CCT6B: variants seen among roughly 807,000 people sequenced by gnomAD.
CCT6B encodes the protein chaperonin containing TCP1 subunit 6B.
Under a neutral mutation model 61.5 loss-of-function variants are expected in CCT6B, and 49 were observed. The ratio of observed to expected loss-of-function variants is 0.80; its 90% CI spans 0.63 to 1.01. The LOEUF is 1.01. CCT6B is among the 50% of genes least tolerant of loss of function. The probability of loss-of-function intolerance (pLI) is 0.00; values close to 1 mark genes in which losing one functional copy is unlikely to be tolerated. For missense variants in CCT6B, 666 were observed against 634.7 expected, an observed-to-expected ratio of 1.05 and a Z score of -0.53; for synonymous variants, 228 against 214.5, an observed-to-expected ratio of 1.06 and a Z score of -0.55.
In CCT6B at chr17:34,959,473, A is replaced by C; in HGVS notation, c.201+114T>G. ...GAGGTCTAATTCAACAGTCTTCAGC[A>C]TATCTCAAGACTGCAGTATTTAGCT... On this transcript the variant is annotated intron_variant, in intron 2 of 13. Transcript: ENST00000314144. The C allele has an allele frequency of 4.0e-6, 3 of 759,218 alleles. No homozygotes were observed. The Admixed American group carries it at 6.7e-5, about 17-fold the overall frequency. 47.0% of individuals were successfully genotyped at this position (759,218 alleles called of 1,614,324 possible). A position where few individuals can be genotyped will look rare whatever the true frequency, so the allele number is the denominator to read the frequency against.
chr17:34,950,735 C>T (rs548738241), intron 5 of CCT6B, among the ~76,000 whole-genome samples: 27 of 152,166 alleles, frequency 1.8e-4, no homozygotes, highest in African/African-American at 6.5e-4. Context: ...TCGAGACCAG[C>T]CTGGCCAACA....
intron 5 of CCT6B, 74 bp downstream of exon 5, chr17:34,951,876 A>T (rs1004317035): frequency 2.3e-5 from 15 of 645,000 alleles, no homozygotes; most frequent in African/African-American, 3.7e-5. Context: ...AATAAAAGTA[A>T]GTAATGAATT....
At chr17:34,950,856 T>A (rs1418939444) in intron 5 of CCT6B, among the ~76,000 whole-genome samples, 1 of 150,106 alleles carries the variant, frequency 6.7e-6, no homozygotes, top group Non-Finnish European at 1.5e-5. Flanking sequence ...TTGAACCCAG[T>A]AGGCGGAGGT....
chr17:34,942,850 C>A lies in CCT6B; in HGVS notation c.671G>T (p.Arg224Leu), dbSNP rs757029335. 3.1e-6 allele frequency: 5 copies of A among 1,611,764 alleles called. No individual in the cohort carries two copies. The South Asian group carries it at 4.4e-5, about 14-fold the overall frequency. ...HGARHPDMKKRVEDAFILICN... is the reference protein window; with the variant it reads ...HGARHPDMKKLVEDAFILICN... ...AATAAGGATAAATGCATCTTCTACT[C>A]GCTTCTTCATATCTGGATGACGGGC... Residue 224 changes from arginine to leucine, a missense_variant, in exon 6 of 14, where the codon CGA (arginine) becomes CTA (leucine). Physicochemically the swap from Arg to Leu is moderately radical, Grantham distance 102. Transcript: ENST00000314144.
At chr17:34,931,760 T>C (rs2090038991) in intron 11 of CCT6B, among the ~76,000 whole-genome samples, 1 of 152,240 alleles carries the variant, frequency 6.6e-6, no homozygotes, top group Admixed American at 6.5e-5. Context: ...ACATTGTTAA[T>C]AATGTTTTAA....
chr17:34,961,376 G>C lies in CCT6B; in HGVS notation c.18C>G (p.Ala6=), dbSNP rs763738546. The change falls in exon 1 of 14, where the codon GCC becomes GCG. Residue 6 remains alanine, a synonymous_variant. Transcript: ENST00000314144. MAAIK[A]VNSKAEVARA... ...GCGCCACCTCAGCCTTGGAGTTGAC[G>C]GCCTTTATCGCAGCCATAGCCTAAC... 6.2e-7 allele frequency: 1 copy of C among 1,609,822 alleles called. No individual in the cohort carries two copies. The highest frequency in any genetic ancestry group is 1.1e-5 in the South Asian group (1 of 90,836).
At chr17:34,960,081 A>C (rs11080318) in intron 1 of CCT6B, among the ~76,000 whole-genome samples, 141,388 of 152,210 alleles carry the variant, frequency 0.93, 66,521 homozygotes, top group East Asian at 1. Context: ...TGAATCTGCC[A>C]CCTTCTCTCC....
intron 3 of CCT6B, 114 bp from the exon 4 acceptor site, chr17:34,954,713 A>G (rs948963686): frequency 1.1e-5 from 8 of 730,050 alleles, no homozygotes; most frequent in Non-Finnish European, 1.3e-5. Flanking sequence ...GCCATGAAAT[A>G]TAAGTGTACA....
At chr17:34,951,030 A>AT (rs2090285663) in intron 5 of CCT6B, among the ~76,000 whole-genome samples, 4 of 152,206 alleles carry the variant, frequency 2.6e-5, no homozygotes, top group African/African-American at 9.6e-5. Flanking sequence ...TTTCCAAAAT[A>AT]ATTATCAAGG....
chr17:34,935,740 C>T (rs1255269953), intron 10 of CCT6B, among the ~76,000 whole-genome samples: 4 of 151,928 alleles, frequency 2.6e-5, no homozygotes, highest in Non-Finnish European at 5.9e-5. Context: ...GCCTGTAATC[C>T]CACCTACTCA....
chr17:34,942,877 C>T lies in CCT6B; in HGVS notation c.644G>A (p.Gly215Asp). The T allele has an allele frequency of 1.2e-6, 2 of 1,608,454 alleles. No individual in the cohort carries two copies. Among genetic ancestry groups the T allele is most frequent in the African/African-American group, 2.7e-5 (2 of 74,858 alleles). Residue 215 changes from glycine (G) to aspartate (D), a missense_variant, in exon 6 of 14, where the codon GGT becomes GAT. Gly to Asp is a moderately conservative substitution (Grantham distance 94). Coordinates refer to ENST00000314144, the MANE Select transcript of CCT6B (RefSeq NM_006584.4). ...KLIQGLVLDHGARHPDMKKRV... is the reference protein window; with the variant it reads ...KLIQGLVLDHDARHPDMKKRV... ...CTTCTTCATATCTGGATGACGGGCA[C>T]CATGATCCAAAACTAATCCTTGGAT...
At chr17:34,929,631 A>G (rs1478760708) in intron 12 of CCT6B, among the ~76,000 whole-genome samples, 2 of 151,546 alleles carry the variant, frequency 1.3e-5, no homozygotes, top group Non-Finnish European at 2.9e-5. Context: ...CTCCTGACTC[A>G]GCCTCCCAAG....
chr17:34,928,566 C>T (rs2089995827), intron 13 of CCT6B, among the ~76,000 whole-genome samples: 1 of 152,238 alleles, frequency 6.6e-6, no homozygotes, highest in Non-Finnish European at 1.5e-5. Context: ...AGCCACCGCA[C>T]TGGCCCAAAT....
At chr17:34,934,996 A>G (rs1041437162) in intron 10 of CCT6B, among the ~76,000 whole-genome samples, 1 of 152,228 alleles carries the variant, frequency 6.6e-6, no homozygotes, top group African/African-American at 2.4e-5. Flanking sequence ...ACAATAGCCA[A>G]AAGGTAAATG....
At chr17:34,929,857 C>T (rs1817976680) in intron 12 of CCT6B, among the ~76,000 whole-genome samples, 1 of 152,170 alleles carries the variant, frequency 6.6e-6, no homozygotes, top group Non-Finnish European at 1.5e-5. Flanking sequence ...CTTCCTTGAA[C>T]TCCAGACCCA....
chr17:34,941,483 C>T (rs185257621), intron 7 of CCT6B, among the ~76,000 whole-genome samples: 3 of 152,292 alleles, frequency 2.0e-5, no homozygotes, highest in Middle Eastern at 3.4e-3. Flanking sequence ...GGAAAGCTGT[C>T]AAGTTCACAT....
Sources: allele counts gnomAD v4.1 joint callset (sites outside exome capture counted in the v4.1 genomes callset), GRCh38; gene constraint gnomAD v4.1.1; transcripts MANE v1.5; gene names NCBI Gene and HGNC (gene_info 2026-07-23, HGNC 2026-07-21).